Variants in BCKDHB observed in about 807,000 individuals in gnomAD.
The protein encoded by BCKDHB is branched chain keto acid dehydrogenase E1 subunit beta, also known as 2-oxoisovalerate dehydrogenase subunit beta, mitochondrial.
Under a neutral mutation model 48.5 loss-of-function variants are expected in BCKDHB, and 41 were observed. The observed-to-expected ratio is 0.85, with a 90% CI of 0.66 to 1.10. The LOEUF (loss-of-function observed/expected upper bound fraction) is 1.10, where lower values mean the gene tolerates loss of function less well. Among genes scored for constraint, BCKDHB ranks in the 50% least tolerant of loss-of-function variants. The pLI, the probability that BCKDHB is intolerant of heterozygous loss-of-function variation, is 0.00. For missense variants in BCKDHB, 496 were observed against 494.2 expected, an observed-to-expected ratio of 1.00 and a Z score of -0.03; for synonymous variants, 201 against 174.8, an observed-to-expected ratio of 1.15 and a Z score of -1.18.
At position 80,243,174 on chromosome 6, in the gene BCKDHB, A is replaced by T. The variant is rs3812125; in HGVS notation, c.952-29961A>T. Among the ~76,000 whole-genome samples the T allele has an allele frequency of 3.4e-4, 52 of 152,326 alleles. No homozygotes were observed. The East Asian group carries it at 8.5e-3, about 25-fold the overall frequency. ...AAAGTAAAAGGGAGTACCACCTGGT[A>T]CTGAGACTAGAAGTACAGGGATATC... On this transcript the variant is annotated intron_variant, in intron 8 of 9. Transcript: ENST00000320393.
rs148790586 is a variant in BCKDHB at position 80,181,737 on chromosome 6, C to T, written c.742+10347C>T. On this transcript the variant is annotated intron_variant, in intron 6 of 9. Transcript: ENST00000320393. The stretch of plus-strand genomic sequence containing the variant: ...GGAGTTGACATACTGTCACTTCTGC[C>T]ATAGTATGTTGGCCAAAATAAGTCA... 1.7e-3 allele frequency among the ~76,000 whole-genome samples: 265 copies of T among 152,254 alleles called. 1 individual carries two copies. The highest frequency in any genetic ancestry group is 6.0e-3 in the African/African-American group (251 of 41,556).
chr6:80,160,197 C>T (rs1331442868), intron 3 of BCKDHB, among the ~76,000 whole-genome samples: 1 of 152,044 alleles, frequency 6.6e-6, no homozygotes, highest in Non-Finnish European at 1.5e-5. Flanking sequence ...CATTCTGTCT[C>T]CCAGGCTGCA....
At chr6:80,438,176 AAC>A in the BCKDHB span, among the ~76,000 whole-genome samples, 3 of 152,222 alleles carry the variant, frequency 2.0e-5, no homozygotes, top group East Asian at 1.9e-4. Flanking sequence ...CACACTAGGA[AAC>A]ACAGTGCATA....
At chr6:80,253,063 A>C (rs1776901910) in intron 8 of BCKDHB, among the ~76,000 whole-genome samples, 1 of 152,222 alleles carries the variant, frequency 6.6e-6, no homozygotes, top group African/African-American at 2.4e-5. Flanking sequence ...ATTAAGGAGC[A>C]GTTTATTTAG....
At chr6:80,442,222 T>C in the BCKDHB span, among the ~76,000 whole-genome samples, 1 of 152,172 alleles carries the variant, frequency 6.6e-6, no homozygotes, top group Non-Finnish European at 1.5e-5. Context: ...CTACAGGGTC[T>C]TTTAGATCAT....
chr6:80,158,879 C>T (rs1772180487), intron 3 of BCKDHB, among the ~76,000 whole-genome samples: 1 of 152,192 alleles, frequency 6.6e-6, no homozygotes, highest in African/African-American at 2.4e-5. Flanking sequence ...CTTCATGCAT[C>T]ATAGTGTTCA....
chr6:80,203,178 C>G lies in BCKDHB; in HGVS notation c.917C>G (p.Thr306Ser). ...TCTTGTGAAGTCATTGATCTGAGGA[C>G]TATAATACCTTGGGATGTGGACACA... ...GVSCEVIDLRTIIPWDVDTIC... is the reference protein window; with the variant it reads ...GVSCEVIDLRSIIPWDVDTIC... Residue 306 changes from threonine (T) to serine (S), a missense_variant, in exon 8 of 10, where the codon ACT becomes AGT. Physicochemically the swap from Thr to Ser is moderately conservative, Grantham distance 58. Transcript: ENST00000320393. 1 of 1,611,448 alleles carries G rather than the reference C, an allele frequency of 6.2e-7. No individual in the cohort carries two copies. The highest frequency in any genetic ancestry group is 8.5e-7 in the Non-Finnish European group (1 of 1,177,874).
chr6:80,157,014 G>A (rs995623212), intron 3 of BCKDHB, among the ~76,000 whole-genome samples: 2 of 152,056 alleles, frequency 1.3e-5, no homozygotes, highest in Non-Finnish European at 2.9e-5. Context: ...AGTGGTTTAA[G>A]TTGGCATTAG....
Position 80,196,245 on chromosome 6 carries a change from G to A in BCKDHB, c.743-4689G>A, listed in dbSNP as rs141569496. ...CAGTATTCACCTTTACTTGAAATATGTAAATCTGATTTTGTAGATGTATAC... is the reference window on the plus strand; with the variant it reads ...CAGTATTCACCTTTACTTGAAATATATAAATCTGATTTTGTAGATGTATAC... On this transcript the variant is annotated intron_variant, in intron 6 of 9. Coordinates refer to ENST00000320393, the MANE Select transcript of BCKDHB (RefSeq NM_183050.4). Among the ~76,000 whole-genome samples, 112 of 152,268 alleles carry A rather than the reference G, an allele frequency of 7.4e-4. 1 individual carries two copies. The highest frequency in any genetic ancestry group is 2.4e-3 in the African/African-American group (101 of 41,554).
chr6:80,290,610 G>A (rs1766863720), intron 9 of BCKDHB, among the ~76,000 whole-genome samples: 1 of 152,190 alleles, frequency 6.6e-6, no homozygotes, highest in Non-Finnish European at 1.5e-5. Context: ...ACTACTATAT[G>A]CTCCTTTGAA....
the BCKDHB span, among the ~76,000 whole-genome samples, chr6:80,405,381 T>G: frequency 1.3e-5 from 2 of 152,188 alleles, no homozygotes; most frequent in African/African-American, 2.4e-5. Context: ...CTATTTGATT[T>G]ACTATCTTTA....
At chr6:80,310,169 G>A (rs1768083841) in intron 9 of BCKDHB, among the ~76,000 whole-genome samples, 1 of 151,692 alleles carries the variant, frequency 6.6e-6, no homozygotes, top group African/African-American at 2.4e-5. Flanking sequence ...CATCTGTCCT[G>A]GTGGTTTGCT....
chr6:80,456,166 G>T, the BCKDHB span, among the ~76,000 whole-genome samples: 1 of 150,814 alleles, frequency 6.6e-6, no homozygotes, highest in South Asian at 2.2e-4. Context: ...AGTGAGCCGA[G>T]ATTGCACCAC....
At chr6:80,164,378 G>A (rs1395682315) in intron 3 of BCKDHB, among the ~76,000 whole-genome samples, 2 of 152,030 alleles carry the variant, frequency 1.3e-5, no homozygotes, top group Non-Finnish European at 2.9e-5. Context: ...TATATGCATG[G>A]TACACATCCT....
At chr6:80,164,581 T>A (rs1180699847) in intron 3 of BCKDHB, among the ~76,000 whole-genome samples, 1 of 152,230 alleles carries the variant, frequency 6.6e-6, no homozygotes, top group African/African-American at 2.4e-5. Context: ...ATGAGGAATG[T>A]TTTCGTTTTG....
intron 3 of BCKDHB, among the ~76,000 whole-genome samples, chr6:80,137,697 G>A (rs1162379169): frequency 1.3e-5 from 2 of 152,048 alleles, no homozygotes; most frequent in Non-Finnish European, 2.9e-5. Flanking sequence ...ACCTTGGGGG[G>A]TACCACTAGA....
the BCKDHB span, among the ~76,000 whole-genome samples, chr6:80,439,150 C>T: frequency 6.6e-6 from 1 of 152,192 alleles, no homozygotes; most frequent in Non-Finnish European, 1.5e-5. Context: ...ATTCTATTAA[C>T]CAGAACTTGT....
intron 8 of BCKDHB, among the ~76,000 whole-genome samples, chr6:80,250,423 G>A (rs1776789105): frequency 6.6e-6 from 1 of 152,142 alleles, no homozygotes; most frequent in Non-Finnish European, 1.5e-5. Context: ...CATGTATTCA[G>A]TCCACGCTCA....
intron 6 of BCKDHB, among the ~76,000 whole-genome samples, chr6:80,183,063 G>T (rs1165718394): frequency 2.0e-5 from 3 of 152,010 alleles, no homozygotes; most frequent in African/African-American, 7.2e-5. Flanking sequence ...AAACATCTCT[G>T]CTTGTATATA....
Sources: gnomAD v4.1 joint callset for allele counts (sites outside exome capture counted in the v4.1 genomes callset) on GRCh38, gnomAD v4.1.1 for gene constraint, MANE v1.5 for transcripts, NCBI Gene and HGNC (gene_info 2026-07-23, HGNC 2026-07-21) for gene names.